Variants in MIA2 observed in about 807,000 individuals in gnomAD.
MIA2 encodes the protein MIA SH3 domain ER export factor 2, also known as melanoma inhibitory activity protein 2.
In MIA2, 127 loss-of-function variants were observed where a neutral mutation model predicts 167.8. The observed-to-expected ratio is 0.76, with a 90% CI of 0.66 to 0.88. The LOEUF is 0.88. Ranked by LOEUF, MIA2 falls within the 40% of genes least tolerant of loss-of-function variation. MIA2 has a pLI of 0.00. For synonymous variants in MIA2, 552 were observed against 541.9 expected (o/e 1.02, Z -0.26); for missense variants, 1,690 against 1,624.7 (o/e 1.04, Z -0.69).
downstream of MIA2, among the ~76,000 whole-genome samples, chr14:39,356,292 G>T (rs1031959919): frequency 2.0e-5 from 3 of 152,192 alleles, no homozygotes; most frequent in Non-Finnish European, 4.4e-5. Flanking sequence ...GAGGCTGTAT[G>T]TATTGAGGAA....
chr14:39,302,436 G>C (rs926415587), intron 15 of MIA2, among the ~76,000 whole-genome samples, 187 bp downstream of exon 15: 1 of 152,264 alleles, frequency 6.6e-6, no homozygotes, highest in East Asian at 1.9e-4. Flanking sequence ...TGCCTTTTCA[G>C]TAAGTCTTTC....
In MIA2 at chr14:39,327,067, G is replaced by A. The variant is rs74621350; in HGVS notation, c.3655+45G>A. The A allele has an allele frequency of 6.1e-3, 8,474 of 1,390,506 alleles. 471 individuals are homozygous for A. In the African/African-American group the frequency reaches 0.11, roughly 18 times the overall value. 86.1% of individuals were successfully genotyped at this position (1,390,506 alleles called of 1,614,324 possible). On this transcript the variant is annotated intron_variant, in intron 25 of 28. Coordinates refer to ENST00000640607, the MANE Select transcript of MIA2 (RefSeq NM_001329214.4). ...ATTATTTCTCTTTGAAAGGCAGCTG[G>A]GATGTGGAATACACAGGAATGGAAG...
intron 23 of MIA2, among the ~76,000 whole-genome samples, chr14:39,382,167 A>C (rs902985895): frequency 1.3e-5 from 2 of 152,232 alleles, no homozygotes; most frequent in African/African-American, 2.4e-5. Flanking sequence ...GGAAGCGAGT[A>C]AAACTCCAGA....
At chr14:39,364,814 C>G (rs1487470170) in intron 23 of MIA2, among the ~76,000 whole-genome samples, 1 of 151,002 alleles carries the variant, frequency 6.6e-6, no homozygotes, top group Non-Finnish European at 1.5e-5. Context: ...GCTGAGAAAT[C>G]TGTGGTTATT....
chr14:39,356,958 T>A (rs2074544194), intron 23 of MIA2, among the ~76,000 whole-genome samples: 2 of 152,216 alleles, frequency 1.3e-5, no homozygotes, highest in South Asian at 4.2e-4. Context: ...TGCTGAGGAG[T>A]GCTTTACTTC....
At chr14:39,303,787 T>C (rs2062893218) in intron 16 of MIA2, among the ~76,000 whole-genome samples, 1 of 152,108 alleles carries the variant, frequency 6.6e-6, no homozygotes, top group African/African-American at 2.4e-5. Context: ...ATGTTTCCTG[T>C]ATTTTATCTT....
chr14:39,274,574 C>T (rs1163536005), intron 6 of MIA2, among the ~76,000 whole-genome samples: 5 of 150,710 alleles, frequency 3.3e-5, no homozygotes, highest in African/African-American at 9.7e-5. Flanking sequence ...TACAGGCTTA[C>T]GCCACCATGC....
intron 2 of MIA2, among the ~76,000 whole-genome samples, chr14:39,238,085 T>A (rs1164817454): frequency 6.6e-6 from 1 of 151,906 alleles, no homozygotes; most frequent in Non-Finnish European, 1.5e-5. Flanking sequence ...TTAATCAGAT[T>A]CAAAGACATG....
chr14:39,288,273 G>A lies in MIA2; in HGVS notation c.2131-2746G>A, dbSNP rs1260977122. 2.0e-5 allele frequency among the ~76,000 whole-genome samples: 3 copies of A among 151,104 alleles called. No homozygotes were observed. The East Asian group carries it at 5.8e-4, about 29-fold the overall frequency. ...GCCCAGGAATTCAAGTCCAACCTGGGCAACATAGGAGAACCTATCTCTCAA... is the reference window on the plus strand; with the variant it reads ...GCCCAGGAATTCAAGTCCAACCTGGACAACATAGGAGAACCTATCTCTCAA... On this transcript the variant is annotated intron_variant, in intron 9 of 28. Coordinates refer to ENST00000640607, the MANE Select transcript of MIA2 (RefSeq NM_001329214.4).
chr14:39,237,985 C>A (rs1425028757), intron 2 of MIA2, among the ~76,000 whole-genome samples: 2 of 152,068 alleles, frequency 1.3e-5, no homozygotes, highest in African/African-American at 4.8e-5. Context: ...GGTGATCCAC[C>A]CGCCTTGGCC....
intron 23 of MIA2, among the ~76,000 whole-genome samples, chr14:39,379,992 A>G (rs146277229): frequency 2.8e-3 from 433 of 152,366 alleles, no homozygotes; most frequent in African/African-American, 1.0e-2. Flanking sequence ...GAGTACATTT[A>G]GACAACCCAC....
intron 15 of MIA2, 58 bp downstream of exon 15, chr14:39,302,307 T>G: frequency 6.3e-7 from 1 of 1,584,670 alleles, no homozygotes; most frequent in South Asian, 1.1e-5. Flanking sequence ...TTCTATTTCC[T>G]TTTCGTTCCC....
At chr14:39,298,542 T>TTTTTTTTTTG (rs1555375952) in intron 13 of MIA2, among the ~76,000 whole-genome samples, 32,285 of 97,202 alleles carry the variant, frequency 0.33, 6,227 homozygotes, top group East Asian at 0.58. Context: ...TTTTTTTTTT[T>TTTTTTTTTTG]TTTTTTTTTT....
At chr14:39,298,743 C>T (rs1365494349) in intron 13 of MIA2, among the ~76,000 whole-genome samples, 1 of 150,078 alleles carries the variant, frequency 6.7e-6, no homozygotes, top group Non-Finnish European at 1.5e-5. Context: ...CATCTAAGAG[C>T]TCTTTGCTTG....
Position 39,239,605 on chromosome 14 carries a change from T to C in MIA2, c.250-956T>C, listed in dbSNP as rs543165084. Reference sequence around the variant, plus strand: ...AAACAAAATCTATATCTTGAATTCATTGGAGGCATCCAATGCAGCCATACA... The same window carrying C: ...AAACAAAATCTATATCTTGAATTCACTGGAGGCATCCAATGCAGCCATACA... On this transcript the variant is annotated intron_variant, in intron 2 of 28. Coordinates refer to ENST00000640607, the MANE Select transcript of MIA2 (RefSeq NM_001329214.4). 1.3e-3 allele frequency among the ~76,000 whole-genome samples: 194 copies of C among 152,260 alleles called. 1 individual carries two copies. Among genetic ancestry groups the C allele is most frequent in the Non-Finnish European group, 2.0e-3 (134 of 68,010 alleles).
chr14:39,330,165 A>G (rs537960627), intron 25 of MIA2, among the ~76,000 whole-genome samples: 10 of 152,200 alleles, frequency 6.6e-5, no homozygotes, highest in Non-Finnish European at 1.3e-4. Context: ...TGATCTATTC[A>G]GGAATTTGAC....
intron 20 of MIA2, among the ~76,000 whole-genome samples, chr14:39,315,468 T>C (rs1221110199): frequency 1.3e-5 from 2 of 152,226 alleles, no homozygotes; most frequent in Non-Finnish European, 2.9e-5. Context: ...AGTAAAAGTT[T>C]ACCAAACAAA....
intron 3 of MIA2, among the ~76,000 whole-genome samples, chr14:39,240,867 C>G (rs2054005417): frequency 6.6e-6 from 1 of 152,168 alleles, no homozygotes; most frequent in African/African-American, 2.4e-5. Context: ...AATTAACAGA[C>G]AGGCAGTAGA....
In MIA2 at chr14:39,300,973, C is replaced by CATATATACACATATAT. The variant is rs1179434644; in HGVS notation, c.2619+988_2619+989insTATATACACATATATA. Among the ~76,000 whole-genome samples the CATATATACACATATAT allele has an allele frequency of 2.1e-5, 3 of 144,544 alleles. No homozygotes were observed. The Admixed American group carries it at 2.1e-4, about 10-fold the overall frequency. 94.8% of individuals were successfully genotyped at this position (144,544 alleles called of 152,430 possible). On this transcript the variant is annotated intron_variant, in intron 14 of 28. Transcript: ENST00000640607. ...ATACACATACATATACACATATATACACATATATACATATATACACATATA... is the reference window on the plus strand; with the variant it reads ...ATACACATACATATACACATATATACATATATACACATATATACATATATACATATATACACATATA...
Sources: gnomAD v4.1 joint callset for allele counts (sites outside exome capture counted in the v4.1 genomes callset) on GRCh38, gnomAD v4.1.1 for gene constraint, MANE v1.5 for transcripts, NCBI Gene and HGNC (gene_info 2026-07-23, HGNC 2026-07-21) for gene names.